The following RPS6KC1 variants were observed in gnomAD, a reference collection of about 807,000 sequenced individuals.
The protein encoded by RPS6KC1 is inactive ribosomal protein S6 kinase delta-1.
RPS6KC1 carries 54 observed loss-of-function variants against 103.8 expected under a neutral mutation model. The observed-to-expected ratio is 0.52, with a 90% CI of 0.42 to 0.65. RPS6KC1 has a LOEUF of 0.65. Ranked by LOEUF, RPS6KC1 falls within the 30% of genes least tolerant of loss-of-function variation. RPS6KC1 has a pLI of 0.00. For synonymous variants in RPS6KC1, 439 were observed against 438.7 expected, an observed-to-expected ratio of 1.00 and a Z score of -0.01; for missense variants, 1,151 against 1,253.8, an observed-to-expected ratio of 0.92 and a Z score of 1.24.
chr1:213,142,254 C>A (rs1048393220), intron 6 of RPS6KC1, among the ~76,000 whole-genome samples: 2 of 151,928 alleles, frequency 1.3e-5, no homozygotes, highest in African/African-American at 2.4e-5. Flanking sequence ...TTACTTTGAG[C>A]CTGTGGGTGT....
intron 3 of RPS6KC1, among the ~76,000 whole-genome samples, chr1:213,098,858 A>G (rs2081739478): frequency 6.6e-6 from 1 of 152,224 alleles, no homozygotes; most frequent in South Asian, 2.1e-4. Flanking sequence ...AAAAAAATGC[A>G]GTATCTGTGA....
chr1:213,199,005 A>G (rs2093054474), intron 8 of RPS6KC1, among the ~76,000 whole-genome samples: 1 of 151,852 alleles, frequency 6.6e-6, no homozygotes, highest in Admixed American at 6.6e-5. Context: ...AGCCTACCAC[A>G]CCTCCCCATC....
intron 7 of RPS6KC1, among the ~76,000 whole-genome samples, chr1:213,172,497 G>C (rs1293267883): frequency 6.6e-6 from 1 of 152,150 alleles, no homozygotes; most frequent in Non-Finnish European, 1.5e-5. Flanking sequence ...AGTAACCCCA[G>C]CTACTCAGGA....
the RPS6KC1 span, among the ~76,000 whole-genome samples, chr1:213,789,302 T>G: frequency 6.6e-6 from 1 of 152,188 alleles, no homozygotes; most frequent in Non-Finnish European, 1.5e-5. Context: ...TCCGGCACCT[T>G]GGATACTTCT....
the RPS6KC1 span, among the ~76,000 whole-genome samples, chr1:213,620,657 C>T: frequency 5.9e-5 from 9 of 152,332 alleles, no homozygotes; most frequent in African/African-American, 2.2e-4. Flanking sequence ...ACCACATAGA[C>T]ACTAATTAAT....
the RPS6KC1 span, among the ~76,000 whole-genome samples, chr1:213,688,965 T>C: frequency 6.6e-6 from 1 of 152,158 alleles, no homozygotes; most frequent in South Asian, 2.1e-4. Context: ...TTTTTTCACG[T>C]TGTGGGAGAG....
the RPS6KC1 span, among the ~76,000 whole-genome samples, chr1:213,293,969 T>G: frequency 6.6e-6 from 1 of 152,232 alleles, no homozygotes; most frequent in Non-Finnish European, 1.5e-5. Flanking sequence ...TTTTAATTTT[T>G]CATAATCTCC....
At chr1:213,501,662 G>T in the RPS6KC1 span, among the ~76,000 whole-genome samples, 35 of 151,566 alleles carry the variant, frequency 2.3e-4, no homozygotes, top group African/African-American at 7.8e-4. Flanking sequence ...TTGAACCCAG[G>T]AGGCAGGGGC....
At chr1:213,077,218 T>G (rs1398678746) in intron 2 of RPS6KC1, among the ~76,000 whole-genome samples, 1 of 152,214 alleles carries the variant, frequency 6.6e-6, no homozygotes, top group Non-Finnish European at 1.5e-5. Context: ...GTTTAAAAAT[T>G]GCCTAAATTA....
the RPS6KC1 span, among the ~76,000 whole-genome samples, chr1:213,637,324 T>C: frequency 6.7e-6 from 1 of 150,030 alleles, no homozygotes; most frequent in Non-Finnish European, 1.5e-5. Flanking sequence ...ATGTTTATTG[T>C]GGCACTATTC....
At chr1:213,457,856 A>G in the RPS6KC1 span, among the ~76,000 whole-genome samples, 1 of 152,244 alleles carries the variant, frequency 6.6e-6, no homozygotes, top group Non-Finnish European at 1.5e-5. Context: ...ATTCATAAAT[A>G]GGAAAATACT....
At chr1:213,099,153 C>T (rs2081774192) in intron 3 of RPS6KC1, among the ~76,000 whole-genome samples, 1 of 152,180 alleles carries the variant, frequency 6.6e-6, no homozygotes, top group African/African-American at 2.4e-5. Context: ...ATTAGGATGA[C>T]TGTTGAATCT....
At chr1:213,542,910 G>A in the RPS6KC1 span, among the ~76,000 whole-genome samples, 1 of 152,168 alleles carries the variant, frequency 6.6e-6, no homozygotes, top group African/African-American at 2.4e-5. Flanking sequence ...GGTGAGGAGA[G>A]GGCCACGCAA....
At chr1:213,493,700 A>G in the RPS6KC1 span, among the ~76,000 whole-genome samples, 4 of 152,220 alleles carry the variant, frequency 2.6e-5, no homozygotes, top group African/African-American at 9.6e-5. Context: ...TCATTTTACA[A>G]CTAGTTGAAG....
At position 213,231,265 on chromosome 1, in the gene RPS6KC1, C is replaced by T. The variant is rs561293548; in HGVS notation, c.1092+721C>T. The stretch of plus-strand genomic sequence containing the variant: ...AAGAGCTAAAATTTTGCCTTAAAAT[C>T]TAGTTACAGGTATTTTGGGAAAGTG... On this transcript the variant is annotated intron_variant, in intron 9 of 14. Coordinates refer to ENST00000366960, the MANE Select transcript of RPS6KC1 (RefSeq NM_012424.6). 4.6e-5 allele frequency among the ~76,000 whole-genome samples: 7 copies of T among 152,274 alleles called. No individual in the cohort carries two copies. The South Asian group carries it at 1.5e-3, about 32-fold the overall frequency.
the RPS6KC1 span, among the ~76,000 whole-genome samples, chr1:213,777,792 C>T: frequency 6.6e-6 from 1 of 152,158 alleles, no homozygotes; most frequent in South Asian, 2.1e-4. Context: ...AAGTAGTCAT[C>T]TATTCAGAAT....
chr1:213,293,804 T>A, the RPS6KC1 span, among the ~76,000 whole-genome samples: 32 of 152,234 alleles, frequency 2.1e-4, no homozygotes, highest in Non-Finnish European at 3.2e-4. Flanking sequence ...TGGAAATCTT[T>A]TCTTGGAGTT....
At chr1:213,126,035 A>G (rs947248636) in intron 5 of RPS6KC1, among the ~76,000 whole-genome samples, 23 of 152,116 alleles carry the variant, frequency 1.5e-4, no homozygotes, top group African/African-American at 5.5e-4. Flanking sequence ...GAACAGACAA[A>G]AGAGATCTCT....
intron 1 of RPS6KC1, among the ~76,000 whole-genome samples, chr1:213,063,343 G>A (rs78276407): frequency 0.01 from 1,592 of 152,282 alleles, 32 homozygotes; most frequent in African/African-American, 0.036. Flanking sequence ...CCTGGAGAGA[G>A]CACTTTGGAG....
Sources: allele counts gnomAD v4.1 joint callset (sites outside exome capture counted in the v4.1 genomes callset), GRCh38; gene constraint gnomAD v4.1.1; transcripts MANE v1.5; gene names NCBI Gene and HGNC (gene_info 2026-07-23, HGNC 2026-07-21).